Variants in INSC observed in about 807,000 individuals in gnomAD.
INSC encodes the protein protein inscuteable homolog.
Under a neutral mutation model 58.6 loss-of-function variants are expected in INSC, and 67 were observed. The ratio of observed to expected loss-of-function variants is 1.14; its 90% CI spans 0.94 to 1.40. The LOEUF is 1.40. Ranked by LOEUF, INSC falls within the 40% of genes most tolerant of loss-of-function variation. The pLI is 0.00. For synonymous variants in INSC, 262 were observed against 276.1 expected (o/e 0.95, Z 0.51); for missense variants, 714 against 692.0 (o/e 1.03, Z -0.36).
At chr11:15,125,094 G>A (rs1024784916) in intron 1 of INSC, among the ~76,000 whole-genome samples, 1 of 152,190 alleles carries the variant, frequency 6.6e-6, no homozygotes, top group Non-Finnish European at 1.5e-5. Context: ...TCCAGGGGTG[G>A]GAGGTGGTTT....
rs1851337616 is a variant in INSC at position 15,219,106 on chromosome 11, T to A, written c.820-2371T>A. On this transcript the variant is annotated intron_variant, in intron 7 of 12. Coordinates refer to ENST00000379556, the MANE Select transcript of INSC (RefSeq NM_001042536.3). ...TCTCTGAATTGCTGGCACATGAAAG[T>A]CAGCTGTGGAGCTGTTAAAAAGCAG... Among the ~76,000 whole-genome samples the A allele has an allele frequency of 1.1e-4, 17 of 152,186 alleles. No homozygotes were observed. The South Asian group carries it at 3.5e-3, about 32-fold the overall frequency.
At chr11:15,142,972 T>G (rs138853212) in intron 1 of INSC, among the ~76,000 whole-genome samples, 45 of 152,300 alleles carry the variant, frequency 3.0e-4, no homozygotes, top group African/African-American at 1.0e-3. Context: ...TTCATCTTAC[T>G]GAATACTCAT....
intron 5 of INSC, among the ~76,000 whole-genome samples, chr11:15,183,295 G>T (rs1849843855): frequency 6.7e-6 from 1 of 148,230 alleles, no homozygotes; most frequent in Non-Finnish European, 1.5e-5. Flanking sequence ...AGGTTGCCAT[G>T]AGCCGAGATC....
intron 2 of INSC, among the ~76,000 whole-genome samples, chr11:15,171,798 C>T (rs1849409409): frequency 6.6e-6 from 1 of 152,260 alleles, no homozygotes; most frequent in Non-Finnish European, 1.5e-5. Context: ...CATGGAACAA[C>T]TGAAGTTGCC....
intron 2 of INSC, among the ~76,000 whole-genome samples, chr11:15,169,745 A>G (rs1849329384): frequency 6.6e-6 from 1 of 151,660 alleles, no homozygotes; most frequent in Admixed American, 6.6e-5. Flanking sequence ...GACAGGTTTC[A>G]CCATGTTGGC....
chr11:15,173,256 G>A (rs762451223), intron 2 of INSC, among the ~76,000 whole-genome samples: 1 of 152,164 alleles, frequency 6.6e-6, no homozygotes, highest in Non-Finnish European at 1.5e-5. Flanking sequence ...TCAAAATGCA[G>A]CAAGATGTGT....
chr11:15,153,594 A>T (rs529697144), intron 2 of INSC, among the ~76,000 whole-genome samples: 62 of 152,370 alleles, frequency 4.1e-4, no homozygotes, highest in African/African-American at 1.4e-3. Flanking sequence ...GCTAGACTTG[A>T]ATTCCATCCT....
downstream of INSC, among the ~76,000 whole-genome samples, chr11:15,251,517 G>C (rs1293030823): frequency 6.6e-6 from 1 of 152,104 alleles, no homozygotes; most frequent in Non-Finnish European, 1.5e-5. Context: ...GTCTGATAAG[G>C]GGTTGATATC....
At position 15,243,890 on chromosome 11, in the gene INSC, CT is replaced by C. The variant is rs900048230; in HGVS notation, c.1471-2010del. On this transcript the variant is annotated intron_variant, in intron 12 of 12. Transcript: ENST00000379556. ...TCTTTTATTTTCTTTGCCACTATTT[CT>C]TTTTTTTTTTTCCTCCATCTCTTTT... Among the ~76,000 whole-genome samples the C allele has an allele frequency of 1.3e-3, 188 of 140,968 alleles. 2 individuals carry two copies. The highest frequency in any genetic ancestry group is 1.4e-3 in the Non-Finnish European group (88 of 64,718). 92.5% of individuals were successfully genotyped at this position (140,968 alleles called of 152,430 possible).
Position 15,135,117 on chromosome 11 carries a change from A to G in INSC, c.-45-14013A>G, listed in dbSNP as rs78595481. Among the ~76,000 whole-genome samples the G allele has an allele frequency of 6.7e-3, 1,026 of 152,214 alleles. 9 individuals are homozygous for G. Among genetic ancestry groups the G allele is most frequent in the African/African-American group, 0.024 (1,000 of 41,530 alleles). ...GAATTACTTGGAGATAGAAAAGAGAATTGAGGGATTTCAGTCAGGATGTGC... is the reference window on the plus strand; with the variant it reads ...GAATTACTTGGAGATAGAAAAGAGAGTTGAGGGATTTCAGTCAGGATGTGC... On this transcript the variant is annotated intron_variant, in intron 1 of 12. Coordinates refer to ENST00000379556, the MANE Select transcript of INSC (RefSeq NM_001042536.3).
downstream of INSC, among the ~76,000 whole-genome samples, chr11:15,251,743 G>A (rs1361964987): frequency 7.4e-6 from 1 of 134,376 alleles, no homozygotes; most frequent in Non-Finnish European, 1.6e-5. Context: ...TGGTGGGATG[G>A]TAAAATAGTA....
rs1476745728 is a variant in INSC, at chr11:15,246,414, T to G, written c.*374T>G. The G allele has an allele frequency of 1.3e-5, 2 of 155,056 alleles. No homozygotes were observed. Among genetic ancestry groups the G allele is most frequent in the Non-Finnish European group, 2.9e-5 (2 of 69,712 alleles). 9.6% of individuals were successfully genotyped at this position (155,056 alleles called of 1,614,324 possible). On this transcript the variant is annotated 3_prime_UTR_variant, in exon 13 of 13. Transcript: ENST00000379556. ...GGATTTCAACTGCCTAGCAAGTTTTTTTTTTAAGTTGGATTTGCTCTTCCC... is the reference window on the plus strand; with the variant it reads ...GGATTTCAACTGCCTAGCAAGTTTTGTTTTTAAGTTGGATTTGCTCTTCCC...
chr11:15,122,923 A>G (rs1847906682), intron 1 of INSC, among the ~76,000 whole-genome samples: 1 of 152,142 alleles, frequency 6.6e-6, no homozygotes, highest in South Asian at 2.1e-4. Context: ...ATCTTAAGAT[A>G]AAGACCACAC....
chr11:15,175,911 T>C lies in INSC; in HGVS notation c.227T>C (p.Leu76Pro), dbSNP rs751934188. ...GGPGPGDPLQ[L>P]LLKRGWVIST... ...CCTGGCCCTGGAGACCCCCTGCAGC[T>C]GCTGCTCAAACGGGGTTGGGTCATT... Residue 76 changes from leucine to proline, a missense_variant, in exon 3 of 13, where the codon CTG (leucine) becomes CCG (proline). Coordinates refer to ENST00000379556, the MANE Select transcript of INSC (RefSeq NM_001042536.3). 3 of 1,614,216 alleles carry C rather than the reference T, an allele frequency of 1.9e-6. No individual in the cohort carries two copies. Among genetic ancestry groups the C allele is most frequent in the Middle Eastern group, 1.6e-4 (1 of 6,062 alleles).
intron 12 of INSC, chr11:15,241,646 G>A (rs1852360194): frequency 1.4e-6 from 1 of 702,880 alleles, no homozygotes; most frequent in East Asian, 2.7e-5. Context: ...CACATTCAAG[G>A]TAATCTTAAT....
At chr11:15,210,044 G>A (rs1034416166) in intron 7 of INSC, among the ~76,000 whole-genome samples, 8 of 152,206 alleles carry the variant, frequency 5.3e-5, no homozygotes, top group African/African-American at 9.7e-5. Context: ...AGGTCTCAAA[G>A]AGACTTAGGG....
chr11:15,214,893 G>T (rs1379499364), intron 7 of INSC, among the ~76,000 whole-genome samples: 3 of 152,128 alleles, frequency 2.0e-5, no homozygotes, highest in Non-Finnish European at 2.9e-5. Flanking sequence ...TTGCCCTTCT[G>T]CCTTCCACTA....
chr11:15,191,166 A>T (rs1850160946), intron 6 of INSC, among the ~76,000 whole-genome samples: 1 of 152,084 alleles, frequency 6.6e-6, no homozygotes, highest in East Asian at 1.9e-4. Flanking sequence ...TTTTTAGTAG[A>T]GACGGGGTTT....
intron 2 of INSC, among the ~76,000 whole-genome samples, chr11:15,172,986 G>C (rs1228263862): frequency 6.6e-6 from 1 of 152,174 alleles, no homozygotes; most frequent in African/African-American, 2.4e-5. Context: ...ACATTCTTGG[G>C]GGAATGTGAA....
Sources: allele counts gnomAD v4.1 joint callset (sites outside exome capture counted in the v4.1 genomes callset), GRCh38; gene constraint gnomAD v4.1.1; transcripts MANE v1.5; gene names NCBI Gene and HGNC (gene_info 2026-07-23, HGNC 2026-07-21).